Variants in UVRAG observed in about 807,000 individuals in gnomAD.
The protein encoded by UVRAG is UV radiation resistance-associated gene protein.
In UVRAG, 19 loss-of-function variants were observed where a neutral mutation model predicts 78.0. The observed-to-expected ratio is 0.24, with a 90% CI of 0.17 to 0.36. The LOEUF is 0.36. Ranked by LOEUF, UVRAG falls within the 10% of genes least tolerant of loss-of-function variation. The probability of loss-of-function intolerance (pLI) is 1.00; values close to 1 mark genes in which losing one functional copy is unlikely to be tolerated. For missense variants in UVRAG, 740 were observed against 853.8 expected (o/e 0.87, Z 1.66); for synonymous variants, 323 against 324.6 (o/e 1.00, Z 0.05).
chr11:75,897,119 A>G (rs1032822673), intron 5 of UVRAG, among the ~76,000 whole-genome samples: 1 of 152,248 alleles, frequency 6.6e-6, no homozygotes, highest in African/African-American at 2.4e-5. Flanking sequence ...GAAACCCAAG[A>G]TATTGAAATA....
chr11:75,890,663 T>A (rs1366739745), intron 5 of UVRAG, among the ~76,000 whole-genome samples: 3 of 152,066 alleles, frequency 2.0e-5, no homozygotes, highest in Admixed American at 1.3e-4. Flanking sequence ...GAGTCTGAAG[T>A]TCAGAGGAGA....
At chr11:75,983,562 C>T (rs1949436341) in intron 8 of UVRAG, 49 bp downstream of exon 8, 2 of 1,493,298 alleles carry the variant, frequency 1.3e-6, no homozygotes, top group Non-Finnish European at 1.8e-6. Flanking sequence ...TTCAGTAGTT[C>T]TCCTTTCTTC....
intron 14 of UVRAG, among the ~76,000 whole-genome samples, chr11:76,122,401 A>G (rs1952299517): frequency 6.6e-6 from 1 of 152,178 alleles, no homozygotes; most frequent in Admixed American, 6.5e-5. Flanking sequence ...TGTCTCTGTG[A>G]CCTCAAACAG....
At chr11:75,980,516 C>T (rs1438302231) in intron 7 of UVRAG, among the ~76,000 whole-genome samples, 1 of 152,078 alleles carries the variant, frequency 6.6e-6, no homozygotes, top group African/African-American at 2.4e-5. Flanking sequence ...GATTGTCTTT[C>T]AAAGAATTGG....
intron 7 of UVRAG, among the ~76,000 whole-genome samples, chr11:75,967,958 G>C (rs1334547707): frequency 6.6e-6 from 1 of 152,124 alleles, no homozygotes; most frequent in African/African-American, 2.4e-5. Flanking sequence ...AGGAACTTTT[G>C]ACCTAAGGCA....
intron 13 of UVRAG, among the ~76,000 whole-genome samples, chr11:76,097,164 T>A (rs1388069730): frequency 6.6e-6 from 1 of 152,172 alleles, no homozygotes; most frequent in African/African-American, 2.4e-5. Context: ...TCTTTGAGCC[T>A]GTATAACTGC....
At chr11:76,123,954 C>A (rs993072427) in intron 14 of UVRAG, among the ~76,000 whole-genome samples, 13 of 151,626 alleles carry the variant, frequency 8.6e-5, no homozygotes, top group Admixed American at 7.9e-4. Context: ...TTAGTAGAGA[C>A]AGGGTTTCAC....
chr11:76,093,218 A>G (rs557363327), intron 13 of UVRAG, among the ~76,000 whole-genome samples: 20 of 151,430 alleles, frequency 1.3e-4, no homozygotes, highest in Non-Finnish European at 2.8e-4. Flanking sequence ...TACCAGTACC[A>G]TGCTGTTTTG....
intron 4 of UVRAG, among the ~76,000 whole-genome samples, chr11:75,886,141 A>G (rs1454759594): frequency 6.6e-6 from 1 of 152,194 alleles, no homozygotes; most frequent in Non-Finnish European, 1.5e-5. Context: ...ATTAGAACTC[A>G]GGTTACTTAC....
At chr11:75,830,754 A>T (rs999925368) in intron 1 of UVRAG, among the ~76,000 whole-genome samples, 11 of 152,226 alleles carry the variant, frequency 7.2e-5, no homozygotes, top group Non-Finnish European at 1.2e-4. Flanking sequence ...CCATTTCCTC[A>T]ATTGCCAAAT....
chr11:75,993,362 T>C (rs953349869), intron 8 of UVRAG, among the ~76,000 whole-genome samples: 1 of 152,210 alleles, frequency 6.6e-6, no homozygotes, highest in African/African-American at 2.4e-5. Flanking sequence ...TCAAAGGCAG[T>C]GGTTCTCAAC....
intron 6 of UVRAG, among the ~76,000 whole-genome samples, chr11:75,917,184 C>T (rs1386600182): frequency 6.6e-6 from 1 of 152,242 alleles, no homozygotes; most frequent in Non-Finnish European, 1.5e-5. Context: ...TGTACAAAGA[C>T]AGCTTGTGAG....
chr11:76,086,352 TA>T (rs1951588952), intron 13 of UVRAG, among the ~76,000 whole-genome samples: 1 of 152,236 alleles, frequency 6.6e-6, no homozygotes, highest in Non-Finnish European at 1.5e-5. Context: ...TTGCATGGAA[TA>T]ACCTTGGACA....
chr11:75,831,867 C>T (rs1413097126), intron 1 of UVRAG, among the ~76,000 whole-genome samples: 1 of 152,198 alleles, frequency 6.6e-6, no homozygotes, highest in Non-Finnish European at 1.5e-5. Flanking sequence ...CCTGTGTTCT[C>T]AGACACTTTC....
At chr11:76,084,744 CAAAT>C (rs764968905) in intron 13 of UVRAG, among the ~76,000 whole-genome samples, 102 of 152,118 alleles carry the variant, frequency 6.7e-4, no homozygotes, top group Non-Finnish European at 1.2e-3. Context: ...CTTTATGTGA[CAAAT>C]AGTTCACATG....
intron 1 of UVRAG, among the ~76,000 whole-genome samples, chr11:75,835,034 C>A (rs1945747230): frequency 6.6e-6 from 1 of 152,094 alleles, no homozygotes; most frequent in African/African-American, 2.4e-5. Context: ...TAAACTATAA[C>A]TGATAACACT....
intron 5 of UVRAG, among the ~76,000 whole-genome samples, chr11:75,901,608 TC>T (rs1452807579): frequency 6.6e-6 from 1 of 152,228 alleles, no homozygotes; most frequent in African/African-American, 2.4e-5. Context: ...CATAGAGTTG[TC>T]CTGAGTCCCT....
chr11:75,912,805 C>T (rs140051554), intron 6 of UVRAG, among the ~76,000 whole-genome samples: 2,539 of 152,276 alleles, frequency 0.017, 64 homozygotes, highest in African/African-American at 0.058. Flanking sequence ...GAAGGATGCT[C>T]GGAGAACTGG....
chr11:76,054,998 TTC>T (rs1950952301), intron 12 of UVRAG, among the ~76,000 whole-genome samples: 1 of 152,224 alleles, frequency 6.6e-6, no homozygotes, highest in African/African-American at 2.4e-5. Flanking sequence ...CTCTTACGTC[TTC>T]TCTCTTTCAA....
Sources: allele counts gnomAD v4.1 joint callset (sites outside exome capture counted in the v4.1 genomes callset), GRCh38; gene constraint gnomAD v4.1.1; transcripts MANE v1.5; gene names NCBI Gene and HGNC (gene_info 2026-07-23, HGNC 2026-07-21).